The following RCAN2 variants were observed in gnomAD, a reference collection of about 807,000 sequenced individuals.
RCAN2 encodes the protein regulator of calcineurin 2, also known as calcipressin-2.
In RCAN2, 9 loss-of-function variants were observed where a neutral mutation model predicts 23.6. The ratio of observed to expected loss-of-function variants is 0.38; its 90% CI spans 0.23 to 0.67. The LOEUF (loss-of-function observed/expected upper bound fraction) is 0.67, where lower values mean the gene tolerates loss of function less well. Among genes scored for constraint, RCAN2 ranks in the 30% least tolerant of loss-of-function variants. The pLI is 0.51. For synonymous variants in RCAN2, 109 were observed against 115.7 expected (o/e 0.94, Z 0.37); for missense variants, 273 against 302.3 (o/e 0.90, Z 0.72).
chr6:46,372,413 T>G (rs1321105360), intron 2 of RCAN2, among the ~76,000 whole-genome samples: 1 of 152,200 alleles, frequency 6.6e-6, no homozygotes, highest in Admixed American at 6.5e-5. Flanking sequence ...TGCCCAAGAT[T>G]ACCTGTAAAC....
chr6:46,429,694 C>G (rs953038099), intron 2 of RCAN2, among the ~76,000 whole-genome samples: 1 of 152,044 alleles, frequency 6.6e-6, no homozygotes, highest in Non-Finnish European at 1.5e-5. Flanking sequence ...CAGGTACGTT[C>G]TTGCCCTTAT....
At chr6:46,302,122 G>A (rs1385880959) in intron 2 of RCAN2, among the ~76,000 whole-genome samples, 2 of 152,042 alleles carry the variant, frequency 1.3e-5, no homozygotes, top group African/African-American at 4.8e-5. Context: ...GAGAAGTGGA[G>A]TGTGAAGGTG....
chr6:46,329,098 CA>C (rs796670398), intron 2 of RCAN2, among the ~76,000 whole-genome samples: 54 of 150,444 alleles, frequency 3.6e-4, no homozygotes, highest in African/African-American at 1.2e-3. Flanking sequence ...ATTGGTGTTC[CA>C]AAAAAAAAGA....
intron 2 of RCAN2, among the ~76,000 whole-genome samples, chr6:46,313,128 C>T (rs1763317916): frequency 6.6e-6 from 1 of 152,166 alleles, no homozygotes; most frequent in Non-Finnish European, 1.5e-5. Context: ...CTTTCCTTCA[C>T]CTGGCAAATT....
At chr6:46,346,472 A>G (rs1355608504) in intron 2 of RCAN2, among the ~76,000 whole-genome samples, 1 of 152,176 alleles carries the variant, frequency 6.6e-6, no homozygotes, top group Non-Finnish European at 1.5e-5. Context: ...CAGTATAAAT[A>G]TTTATGTGCA....
intron 2 of RCAN2, among the ~76,000 whole-genome samples, chr6:46,261,651 T>C (rs1389292690): frequency 6.6e-6 from 1 of 152,188 alleles, no homozygotes; most frequent in Non-Finnish European, 1.5e-5. Context: ...CTCGTACCTG[T>C]ATATAATCTT....
At chr6:46,403,567 C>T (rs1279210963) in intron 2 of RCAN2, among the ~76,000 whole-genome samples, 7 of 119,800 alleles carry the variant, frequency 5.8e-5, no homozygotes, top group South Asian at 6.8e-4. Flanking sequence ...AGCGAAACTC[C>T]GTATCAAAAA....
At chr6:46,287,260 G>A (rs773648569) in intron 2 of RCAN2, among the ~76,000 whole-genome samples, 27 of 152,186 alleles carry the variant, frequency 1.8e-4, no homozygotes, top group Non-Finnish European at 3.2e-4. Flanking sequence ...CCACACCTCT[G>A]ATGGCATTGT....
intron 2 of RCAN2, among the ~76,000 whole-genome samples, chr6:46,287,007 A>G (rs1348020759): frequency 6.8e-6 from 1 of 147,094 alleles, no homozygotes; most frequent in Non-Finnish European, 1.5e-5. Flanking sequence ...CTCTATCTCA[A>G]AAAAAAAAAA....
rs888438376 is a variant in RCAN2 at position 46,230,535 on chromosome 6, T to C, written c.572-7234A>G. Among the ~76,000 whole-genome samples, 7 of 152,304 alleles carry C rather than the reference T, an allele frequency of 4.6e-5. No homozygotes were observed. The East Asian group carries it at 1.4e-3, about 29-fold the overall frequency. On this transcript the variant is annotated intron_variant, in intron 4 of 4. Coordinates refer to ENST00000371374, the MANE Select transcript of RCAN2 (RefSeq NM_001251974.2). ...GCAGTTTGATCTCAGACTGCTGTGC[T>C]AGCAGTGAGTGAGGCTCCATGGGCA...
At chr6:46,473,916 T>TA (rs1316565795) in intron 1 of RCAN2, among the ~76,000 whole-genome samples, 1 of 152,192 alleles carries the variant, frequency 6.6e-6, no homozygotes, top group East Asian at 1.9e-4. Flanking sequence ...TATTTCTCTT[T>TA]AAAATAACAT....
At chr6:46,413,781 C>T (rs773255706) in intron 2 of RCAN2, among the ~76,000 whole-genome samples, 1 of 152,154 alleles carries the variant, frequency 6.6e-6, no homozygotes, top group Non-Finnish European at 1.5e-5. Flanking sequence ...TGAACCACTT[C>T]TTACTGAACT....
At chr6:46,479,008 T>C (rs765561996) in intron 1 of RCAN2, among the ~76,000 whole-genome samples, 13 of 152,172 alleles carry the variant, frequency 8.5e-5, no homozygotes, top group Non-Finnish European at 1.6e-4. Flanking sequence ...ACAGGGCCAA[T>C]TGAAGGTGCA....
chr6:46,361,673 A>T (rs1042764250), intron 2 of RCAN2, among the ~76,000 whole-genome samples: 1 of 152,194 alleles, frequency 6.6e-6, no homozygotes, highest in African/African-American at 2.4e-5. Flanking sequence ...CCAATTTTTC[A>T]TGGGGTGAAG....
At chr6:46,437,757 G>A (rs977711715) in intron 2 of RCAN2, among the ~76,000 whole-genome samples, 1 of 152,114 alleles carries the variant, frequency 6.6e-6, no homozygotes, top group African/African-American at 2.4e-5. Context: ...TTACTGTGGT[G>A]ACTTTCTGTA....
chr6:46,427,433 TAGTTATTAAAGTTAAA>T (rs1767060663), intron 2 of RCAN2, among the ~76,000 whole-genome samples: 1 of 152,204 alleles, frequency 6.6e-6, no homozygotes, highest in East Asian at 1.9e-4. Context: ...TCCCATTGCA[TAGTTATTAAAGTTAAA>T]TAAGATTATA....
At position 46,351,801 on chromosome 6, in the gene RCAN2, G is replaced by A. The variant is rs373839290; in HGVS notation, c.226-102905C>T. On this transcript the variant is annotated intron_variant, in intron 2 of 4. Coordinates refer to ENST00000371374, the MANE Select transcript of RCAN2 (RefSeq NM_001251974.2). ...TTATTTTTATGACCATGGTGTGGCA[G>A]TTGGGAAGCGAGGAAATTGAGAGGA... is the stretch of plus-strand genomic sequence containing the variant. Among the ~76,000 whole-genome samples the A allele has an allele frequency of 6.1e-4, 93 of 152,328 alleles. 1 individual carries two copies. The South Asian group carries it at 0.018, about 30-fold the overall frequency.
intron 2 of RCAN2, among the ~76,000 whole-genome samples, chr6:46,270,801 G>T (rs558963798): frequency 6.6e-6 from 1 of 152,256 alleles, no homozygotes; most frequent in East Asian, 1.9e-4. Context: ...CAAGGAACAG[G>T]GGGTGACCAC....
At chr6:46,371,912 G>A (rs1421696525) in intron 2 of RCAN2, among the ~76,000 whole-genome samples, 1 of 152,212 alleles carries the variant, frequency 6.6e-6, no homozygotes, top group African/African-American at 2.4e-5. Flanking sequence ...ATTTTAGTCT[G>A]ACATGGAGAT....
Sources: allele counts gnomAD v4.1 joint callset (sites outside exome capture counted in the v4.1 genomes callset), GRCh38; gene constraint gnomAD v4.1.1; transcripts MANE v1.5; gene names NCBI Gene and HGNC (gene_info 2026-07-23, HGNC 2026-07-21).